CUBN: variants seen among roughly 807,000 people sequenced by gnomAD.
CUBN encodes cubilin.
A neutral mutation model predicts 405.3 loss-of-function variants in CUBN; 282 were observed. That is an observed-to-expected ratio of 0.70 (90% CI 0.63 to 0.77). The LOEUF (loss-of-function observed/expected upper bound fraction) is 0.77. Ranked by LOEUF, CUBN falls within the 30% of genes least tolerant of loss-of-function variation. CUBN has a pLI of 0.00. For missense variants in CUBN, 4,514 were observed against 4,475.2 expected (o/e 1.01, Z -0.25); for synonymous variants, 1,684 against 1,617.0 (o/e 1.04, Z -0.99).
intron 31 of CUBN, among the ~76,000 whole-genome samples, chr10:16,973,701 C>T (rs1833006850): frequency 6.6e-6 from 1 of 152,148 alleles, no homozygotes; most frequent in Admixed American, 6.5e-5. Flanking sequence ...TCCATATGTA[C>T]TCAGTGTTTA....
chr10:16,924,415 G>A (rs1842122732), intron 43 of CUBN, among the ~76,000 whole-genome samples: 2 of 152,032 alleles, frequency 1.3e-5, no homozygotes, highest in Non-Finnish European at 2.9e-5. Context: ...GTCAGTTGGT[G>A]AAGACTCTTA....
At chr10:16,900,311 C>T (rs763950705) in intron 53 of CUBN, among the ~76,000 whole-genome samples, 5 of 152,180 alleles carry the variant, frequency 3.3e-5, no homozygotes, top group Non-Finnish European at 5.9e-5. Flanking sequence ...ACCCTTTTGC[C>T]GATGAAGGCA....
At chr10:16,977,652 G>A (rs1007683678) in intron 31 of CUBN, among the ~76,000 whole-genome samples, 1 of 152,206 alleles carries the variant, frequency 6.6e-6, no homozygotes, top group Non-Finnish European at 1.5e-5. Flanking sequence ...GGTACCAAGA[G>A]GACACTGAGC....
At chr10:17,116,535 G>C (rs1195828468) in intron 6 of CUBN, among the ~76,000 whole-genome samples, 2 of 152,222 alleles carry the variant, frequency 1.3e-5, no homozygotes, top group African/African-American at 4.8e-5. Flanking sequence ...CCAGGGGTCA[G>C]AGACAAGGAA....
chr10:17,108,683 C>G (rs1836696227), intron 10 of CUBN, among the ~76,000 whole-genome samples: 1 of 151,954 alleles, frequency 6.6e-6, no homozygotes, highest in Non-Finnish European at 1.5e-5. Context: ...GTAAAGAAAG[C>G]CTTCCTAAAC....
intron 57 of CUBN, among the ~76,000 whole-genome samples, chr10:16,875,185 A>G (rs1381755246): frequency 1.3e-5 from 2 of 151,980 alleles, no homozygotes; most frequent in Non-Finnish European, 2.9e-5. Context: ...GATTCCAGCA[A>G]TTAACAGCTC....
At position 16,878,155 on chromosome 10, in the gene CUBN, G is replaced by A. The variant is rs554448808; in HGVS notation, c.8906-1058C>T. ...ATACAAAAATTAGTCAGGTGTGGTG[G>A]TGCGCGCCTGTAGTCCCAGCTACTC... is the stretch of plus-strand genomic sequence containing the variant. On this transcript the variant is annotated intron_variant, in intron 56 of 66. Coordinates refer to ENST00000377833, the MANE Select transcript of CUBN (RefSeq NM_001081.4). Among the ~76,000 whole-genome samples the A allele has an allele frequency of 4.6e-5, 7 of 152,260 alleles. No homozygotes were observed. The East Asian group carries it at 5.8e-4, about 13-fold the overall frequency.
At chr10:17,083,382 G>C (rs995405171) in intron 17 of CUBN, among the ~76,000 whole-genome samples, 1 of 152,122 alleles carries the variant, frequency 6.6e-6, no homozygotes, top group Admixed American at 6.6e-5. Context: ...GCACATGCCT[G>C]TAATCCCAGC....
chr10:17,084,473 G>A lies in CUBN; in HGVS notation c.2111-12C>T. 6.2e-7 allele frequency: 1 copy of A among 1,611,244 alleles called. No individual in the cohort carries two copies. The highest frequency in any genetic ancestry group is 1.1e-5 in the South Asian group (1 of 90,728). On this transcript the variant is annotated splice_polypyrimidine_tract_variant and intron_variant, in intron 16 of 66. Transcript: ENST00000377833. ...ACAACGCAGATCCGCTAAGAACAGG[G>A]AAGAGACGAACAGGTCATGGCAATG...
chr10:17,023,159 GT>G (rs1372911987), intron 27 of CUBN, among the ~76,000 whole-genome samples: 1 of 150,616 alleles, frequency 6.6e-6, no homozygotes, highest in Non-Finnish European at 1.5e-5. Context: ...GATCTCAGCT[GT>G]TCAGTGGTCT....
chr10:16,933,640 C>A (rs578236781), intron 39 of CUBN, among the ~76,000 whole-genome samples: 1 of 152,162 alleles, frequency 6.6e-6, no homozygotes, highest in South Asian at 2.1e-4. Flanking sequence ...GTTTCTTTAT[C>A]ATTTTTGCGT....
At chr10:16,838,821 T>G (rs542761886) in intron 62 of CUBN, among the ~76,000 whole-genome samples, 33 of 152,258 alleles carry the variant, frequency 2.2e-4, no homozygotes, top group African/African-American at 7.9e-4. Context: ...ATTTTTTGTA[T>G]TTTCAGTAGA....
Position 16,913,888 on chromosome 10 carries a change from C to T in CUBN, c.7456G>A (p.Glu2486Lys), listed in dbSNP as rs747392842. The change falls in exon 48 of 67, where the codon GAG becomes AAG. Residue 2486 changes from glutamate to lysine, a missense_variant. By Grantham distance (56) the Glu-to-Lys change is moderately conservative (BLOSUM62 1). Transcript: ENST00000377833. ...RICEWRITAP[E>K]GRRITLMFNN... ...AACATTAGGGTGATCCGCCTTCCCT[C>T]CGGGGCAGTGATTCTCCACTCGCAG... 6.2e-7 allele frequency: 1 copy of T among 1,614,144 alleles called. No homozygotes were observed. The highest frequency in any genetic ancestry group is 1.1e-5 in the South Asian group (1 of 91,080).
chr10:16,928,358 A>C (rs1842258642), intron 40 of CUBN, 55 bp from the exon 41 acceptor site: 1 of 1,590,596 alleles, frequency 6.3e-7, no homozygotes, highest in Non-Finnish European at 8.6e-7. Flanking sequence ...TCTACTCTAC[A>C]ATCATTTGCA....
At chr10:17,127,808 T>A in intron 3 of CUBN, 21 bp downstream of exon 3, 1 of 1,568,484 alleles carries the variant, frequency 6.4e-7, no homozygotes, top group Non-Finnish European at 8.8e-7. Flanking sequence ...TCGGTTCTTA[T>A]GACGTAGATG....
chr10:16,904,380 T>C (rs371311275), intron 50 of CUBN, among the ~76,000 whole-genome samples: 27 of 152,370 alleles, frequency 1.8e-4, no homozygotes, highest in African/African-American at 6.5e-4. Context: ...TGTGTTTTCA[T>C]AGTTATTTCA....
intron 43 of CUBN, among the ~76,000 whole-genome samples, chr10:16,923,320 T>C (rs1842091659): frequency 6.6e-6 from 1 of 152,110 alleles, no homozygotes; most frequent in South Asian, 2.1e-4. Flanking sequence ...GAAATCTCAA[T>C]CAACCATAGC....
At chr10:17,115,713 C>G in intron 6 of CUBN, 116 bp from the exon 7 acceptor site, 1 of 1,311,098 alleles carries the variant, frequency 7.6e-7, no homozygotes, top group Non-Finnish European at 1.1e-6. Flanking sequence ...AACTTGGAAT[C>G]GTCAGCCAGC....
At chr10:16,977,404 A>G (rs1055492190) in intron 31 of CUBN, among the ~76,000 whole-genome samples, 1 of 152,198 alleles carries the variant, frequency 6.6e-6, no homozygotes, top group Non-Finnish European at 1.5e-5. Context: ...CAGCAGAGAA[A>G]GAGAGAAGAG....
Sources: gnomAD v4.1 joint callset for allele counts (sites outside exome capture counted in the v4.1 genomes callset) on GRCh38, gnomAD v4.1.1 for gene constraint, MANE v1.5 for transcripts, NCBI Gene and HGNC (gene_info 2026-07-23, HGNC 2026-07-21) for gene names.